The following SHTN1 variants were observed in gnomAD, a reference collection of about 807,000 sequenced individuals.
The protein encoded by SHTN1 is shootin-1.
SHTN1 carries 42 observed loss-of-function variants against 83.1 expected under a neutral mutation model. The ratio of observed to expected loss-of-function variants is 0.51; its 90% CI spans 0.39 to 0.65. The LOEUF is 0.65. Among genes scored for constraint, SHTN1 ranks in the 30% least tolerant of loss-of-function variants. The pLI is 0.00. For missense variants in SHTN1, 622 were observed against 737.8 expected (o/e 0.84, Z 1.82); for synonymous variants, 224 against 247.7 (o/e 0.90, Z 0.90).
intron 1 of SHTN1, among the ~76,000 whole-genome samples, chr10:116,980,360 A>G (rs1850970368): frequency 6.6e-6 from 1 of 152,028 alleles, no homozygotes; most frequent in Non-Finnish European, 1.5e-5. Flanking sequence ...TGGCACCATC[A>G]TAGCTCACTG....
chr10:116,905,185 G>A (rs1262019855), intron 15 of SHTN1, among the ~76,000 whole-genome samples: 2 of 149,270 alleles, frequency 1.3e-5, no homozygotes, highest in Non-Finnish European at 3.0e-5. Context: ...GTCCAGCCTG[G>A]GCGACAGAGC....
intron 1 of SHTN1, among the ~76,000 whole-genome samples, chr10:117,098,224 TAA>T (rs34407973): frequency 0.64 from 72,547 of 113,526 alleles, 25,618 homozygotes; most frequent in Middle Eastern, 0.81. Flanking sequence ...CCGTCTCTAC[TAA>T]AAAAAAAAAA....
At chr10:116,942,474 A>C (rs181177727) in intron 8 of SHTN1, among the ~76,000 whole-genome samples, 410 of 152,224 alleles carry the variant, frequency 2.7e-3, no homozygotes, top group Non-Finnish European at 4.6e-3. Context: ...CGGCCTCCCA[A>C]AGTGCTTGGA....
chr10:117,027,888 T>C (rs1852353600), intron 2 of SHTN1, among the ~76,000 whole-genome samples: 1 of 152,126 alleles, frequency 6.6e-6, no homozygotes, highest in Non-Finnish European at 1.5e-5. Context: ...ACTGAAAATG[T>C]GGAAGCACCT....
intron 2 of SHTN1, among the ~76,000 whole-genome samples, chr10:117,041,265 A>C (rs776791798): frequency 3.3e-5 from 5 of 152,188 alleles, no homozygotes; most frequent in Non-Finnish European, 7.3e-5. Context: ...TCGTTAATAT[A>C]TTTTCCCAAT....
chr10:116,932,972 T>A (rs1849024181), intron 9 of SHTN1, among the ~76,000 whole-genome samples: 1 of 152,158 alleles, frequency 6.6e-6, no homozygotes, highest in African/African-American at 2.4e-5. Context: ...AATTCTAGCA[T>A]AAACTGAAAC....
At chr10:117,005,492 G>A, upstream of SHTN1, 1 of 1,020,108 alleles carries the variant, frequency 9.8e-7, no homozygotes, top group Non-Finnish European at 1.2e-6. Context: ...AACCGGCTGT[G>A]GGTTCGCAGC....
At chr10:116,955,748 A>G (rs1270526333) in intron 4 of SHTN1, among the ~76,000 whole-genome samples, 2 of 152,210 alleles carry the variant, frequency 1.3e-5, no homozygotes, top group Admixed American at 1.3e-4. Context: ...ATCAGGAAGA[A>G]TCTCTAAGAA....
chr10:117,090,883 T>G (rs548572137), intron 1 of SHTN1, among the ~76,000 whole-genome samples: 1 of 151,892 alleles, frequency 6.6e-6, no homozygotes, highest in East Asian at 1.9e-4. Context: ...GGAAGAAGAA[T>G]AAGAAAAAGG....
At chr10:117,079,742 G>C (rs2133610267) in intron 1 of SHTN1, among the ~76,000 whole-genome samples, 1 of 107,496 alleles carries the variant, frequency 9.3e-6, no homozygotes, top group South Asian at 3.8e-4. Context: ...ACTGGTGTGA[G>C]ATGGTATCTC....
Position 116,949,126 on chromosome 10 carries a change from A to C in SHTN1, c.535-129T>G, listed in dbSNP as rs962708444. On this transcript the variant is annotated intron_variant, in intron 6 of 16. Coordinates refer to ENST00000355371, the MANE Select transcript of SHTN1 (RefSeq NM_001127211.3). Reference sequence around the variant, plus strand: ...ACAATTTAAAGCAGAAATTGGTTTCAATGTGTTAGGACTTTTTATTAAAGC... The same window carrying C: ...ACAATTTAAAGCAGAAATTGGTTTCCATGTGTTAGGACTTTTTATTAAAGC... 22 of 1,041,916 alleles carry C rather than the reference A, an allele frequency of 2.1e-5. No individual in the cohort carries two copies. In the Admixed American group the frequency reaches 6.4e-4, roughly 30 times the overall value. 64.5% of individuals were successfully genotyped at this position (1,041,916 alleles called of 1,614,324 possible). A position where few individuals can be genotyped will look rare whatever the true frequency, so the allele number is the denominator to read the frequency against.
intron 1 of SHTN1, among the ~76,000 whole-genome samples, chr10:117,052,064 T>C (rs1852753004): frequency 9.3e-6 from 1 of 107,306 alleles, no homozygotes; most frequent in Admixed American, 1.1e-4. Flanking sequence ...CTAGAGCTAA[T>C]AAACAAATTC....
intron 1 of SHTN1, among the ~76,000 whole-genome samples, chr10:117,123,802 G>C (rs1458622111): frequency 1.3e-5 from 2 of 151,622 alleles, no homozygotes; most frequent in East Asian, 3.9e-4. Flanking sequence ...CCAGCTACTA[G>C]GGAGGCTGAG....
intron 1 of SHTN1, among the ~76,000 whole-genome samples, chr10:117,079,378 A>G (rs1853222034): frequency 7.5e-6 from 1 of 133,096 alleles, no homozygotes; most frequent in Non-Finnish European, 1.6e-5. Context: ...ATCATTTTTT[A>G]TGGCTGCATA....
chr10:116,975,459 C>G (rs550458643), intron 2 of SHTN1, among the ~76,000 whole-genome samples: 1 of 152,202 alleles, frequency 6.6e-6, no homozygotes, highest in East Asian at 1.9e-4. Context: ...CACAGAGCAG[C>G]ATAATTGATC....
chr10:116,998,376 C>T (rs1353504264), intron 1 of SHTN1, among the ~76,000 whole-genome samples: 1 of 151,984 alleles, frequency 6.6e-6, no homozygotes, highest in Non-Finnish European at 1.5e-5. Context: ...TACCCATGGT[C>T]AACATGGTAT....
At chr10:116,908,091 ATT>A (rs1162801766) in intron 14 of SHTN1, among the ~76,000 whole-genome samples, 1 of 152,108 alleles carries the variant, frequency 6.6e-6, no homozygotes, top group East Asian at 1.9e-4. Flanking sequence ...TGTTTAGGGA[ATT>A]TTTTCCCTAA....
intron 9 of SHTN1, among the ~76,000 whole-genome samples, chr10:116,932,304 G>A (rs941052566): frequency 1.3e-5 from 2 of 152,138 alleles, no homozygotes; most frequent in African/African-American, 2.4e-5. Context: ...AAGCATTACC[G>A]CCTGAGCTCC....
chr10:117,025,760 A>G (rs1852325468), intron 2 of SHTN1, among the ~76,000 whole-genome samples: 1 of 151,770 alleles, frequency 6.6e-6, no homozygotes, highest in South Asian at 2.1e-4. Context: ...AAGAGTCATG[A>G]GGACACCTTT....
Sources: gnomAD v4.1 joint callset for allele counts (sites outside exome capture counted in the v4.1 genomes callset) on GRCh38, gnomAD v4.1.1 for gene constraint, MANE v1.5 for transcripts, NCBI Gene and HGNC (gene_info 2026-07-23, HGNC 2026-07-21) for gene names.